NWD1: variants seen among roughly 807,000 people sequenced by gnomAD.
The protein encoded by NWD1 is NACHT domain- and WD repeat-containing protein 1.
NWD1 carries 129 observed loss-of-function variants against 135.1 expected under a neutral mutation model. The observed-to-expected ratio is 0.96, with a 90% CI of 0.83 to 1.11. NWD1 has a LOEUF of 1.11. NWD1 is among the 50% of genes least tolerant of loss of function. The probability of loss-of-function intolerance (pLI) is 0.00; values close to 1 mark genes in which losing one functional copy is unlikely to be tolerated. For synonymous variants in NWD1, 773 were observed against 786.0 expected (o/e 0.98, Z 0.28); for missense variants, 1,740 against 1,851.3 (o/e 0.94, Z 1.10).
At chr19:16,794,580 G>C in intron 15 of NWD1, 27 bp downstream of exon 15, 1 of 1,455,912 alleles carries the variant, frequency 6.9e-7, no homozygotes, top group Non-Finnish European at 9.5e-7. Context: ...ATTTGGAGTA[G>C]TGAGGAAGCT....
At chr19:16,732,216 C>CA (rs59934633) in intron 3 of NWD1, among the ~76,000 whole-genome samples, 277 of 114,702 alleles carry the variant, frequency 2.4e-3, no homozygotes, top group Middle Eastern at 0.013. Flanking sequence ...GACTCCGTCT[C>CA]AAAAAAAAAA....
At position 16,765,415 on chromosome 19, in the gene NWD1, C is replaced by T. The variant is rs144445491; in HGVS notation, c.2410+223C>T. ...GTGGTGCAATCGTAGCTCACTGTAG[C>T]CTCAGACTCCTGGGTTCAAATGCTC... On this transcript the variant is annotated intron_variant, in intron 10 of 18. Transcript: ENST00000524140. Among the ~76,000 whole-genome samples the T allele has an allele frequency of 4.2e-4, 64 of 152,228 alleles. No individual in the cohort carries two copies. The East Asian group carries it at 0.01, about 25-fold the overall frequency.
intron 10 of NWD1, among the ~76,000 whole-genome samples, chr19:16,767,966 T>C (rs958492835): frequency 2.6e-5 from 4 of 151,162 alleles, no homozygotes; most frequent in African/African-American, 7.3e-5. Context: ...TTGTAGCATA[T>C]GTCAGAATTT....
chr19:16,771,170 G>A (rs766320660), intron 10 of NWD1, among the ~76,000 whole-genome samples: 5 of 152,176 alleles, frequency 3.3e-5, no homozygotes, highest in Non-Finnish European at 5.9e-5. Flanking sequence ...ATAGATAGAT[G>A]GCTGGGCACA....
intron 12 of NWD1, among the ~76,000 whole-genome samples, chr19:16,785,779 T>C (rs1353112359): frequency 1.3e-5 from 2 of 148,258 alleles, no homozygotes; most frequent in Admixed American, 6.8e-5. Context: ...AACAAATATA[T>C]ACATAAATAT....
chr19:16,744,784 C>G (rs903853789), intron 5 of NWD1, 66 bp downstream of exon 5: 1 of 1,347,864 alleles, frequency 7.4e-7, no homozygotes, highest in Admixed American at 2.0e-5. Flanking sequence ...GAATATCCAT[C>G]CCCTGTTGGC....
intron 18 of NWD1, among the ~76,000 whole-genome samples, chr19:16,814,759 G>C (rs1410651558): frequency 6.6e-6 from 1 of 152,094 alleles, no homozygotes; most frequent in Non-Finnish European, 1.5e-5. Flanking sequence ...AATATTTACT[G>C]AGCTCACTCT....
In NWD1 at chr19:16,794,472, A is replaced by C. The variant is rs529201209; in HGVS notation, c.3223A>C (p.Lys1075Gln). ...SNGSISLVSS[K>Q]GDRLLEKLPD... ...CCCTGGTTCTGCACAGGTTTCCTCCAAAGGGGACAGATTGCTGGAGAAGCT... is the reference window on the plus strand; with the variant it reads ...CCCTGGTTCTGCACAGGTTTCCTCCCAAGGGGACAGATTGCTGGAGAAGCT... The change falls in exon 15 of 19, where the codon AAA (lysine) becomes CAA (glutamine). Residue 1075 changes from lysine to glutamine, a missense_variant. Lys to Gln is a moderately conservative substitution (Grantham distance 53). Coordinates refer to ENST00000524140, the MANE Select transcript of NWD1 (RefSeq NM_001007525.5). 33 of 1,610,500 alleles carry C rather than the reference A, an allele frequency of 2.0e-5. No homozygotes were observed. The African/African-American group carries it at 4.0e-4, about 20-fold the overall frequency.
At chr19:16,800,762 C>T (rs940759059) in intron 17 of NWD1, among the ~76,000 whole-genome samples, 11 of 152,042 alleles carry the variant, frequency 7.2e-5, no homozygotes, top group Middle Eastern at 3.2e-3. Flanking sequence ...TATTCAGGAA[C>T]GCCCCACATT....
intron 13 of NWD1, among the ~76,000 whole-genome samples, chr19:16,789,420 G>A (rs538477005): frequency 8.5e-5 from 13 of 152,058 alleles, no homozygotes; most frequent in Non-Finnish European, 1.0e-4. Context: ...CATCTTTTTT[G>A]AATATCAGCA....
At position 16,735,829 on chromosome 19, in the gene NWD1, A is replaced by AGAAGGAAG. The variant is rs1240567591; in HGVS notation, c.82-774_82-767dup. 2.5e-4 allele frequency among the ~76,000 whole-genome samples: 14 copies of AGAAGGAAG among 56,988 alleles called. No homozygotes were observed. In the East Asian group the frequency reaches 2.7e-3, roughly 11 times the overall value. The allele number at this position is 56,988 out of a possible 152,430, so 37.4% of individuals were successfully genotyped here. ...AGGAAGGAAGGAAGGAAGGAAGGAA[A>AGAAGGAAG]GAAGGAAGGAAGGAAGGAAGGAAGG... On this transcript the variant is annotated intron_variant, in intron 3 of 18. Transcript: ENST00000524140.
chr19:16,742,191 A>G (rs1366219097), intron 4 of NWD1, among the ~76,000 whole-genome samples: 1 of 152,028 alleles, frequency 6.6e-6, no homozygotes, highest in East Asian at 1.9e-4. Context: ...CCTGGCCAAC[A>G]TGGCGAAACC....
intron 18 of NWD1, chr19:16,812,642 C>T: frequency 1.4e-6 from 1 of 738,650 alleles, no homozygotes. Context: ...GCACTCCAGC[C>T]TGGGCAACAA....
intron 18 of NWD1, among the ~76,000 whole-genome samples, chr19:16,809,222 T>C (rs1970848322): frequency 1.3e-5 from 2 of 151,818 alleles, no homozygotes; most frequent in Non-Finnish European, 2.9e-5. Flanking sequence ...TAGCTGGGAT[T>C]ACAGATAAGC....
rs142734109 is a variant in NWD1, at chr19:16,814,141, C to A, written c.4288-887C>A. On this transcript the variant is annotated intron_variant, in intron 18 of 18. Transcript: ENST00000524140. ...CACCATTGCACTCCAGCCTGGGCAACAGAGTGAGACCCTGTCAAAAAAAAT... is the reference window on the plus strand; with the variant it reads ...CACCATTGCACTCCAGCCTGGGCAAAAGAGTGAGACCCTGTCAAAAAAAAT... 8.7e-3 allele frequency among the ~76,000 whole-genome samples: 1,331 copies of A among 152,198 alleles called. 21 individuals are homozygous for A. The highest frequency in any genetic ancestry group is 0.03 in the African/African-American group (1,265 of 41,530).
intron 13 of NWD1, 116 bp from the exon 14 acceptor site, chr19:16,791,234 C>A (rs1970233934): frequency 2.1e-6 from 2 of 953,270 alleles, no homozygotes; most frequent in East Asian, 2.4e-5. Flanking sequence ...GCTCTGTCTC[C>A]AAAAGAAAAG....
chr19:16,745,005 C>T, intron 5 of NWD1: 1 of 600,114 alleles, frequency 1.7e-6, no homozygotes, highest in South Asian at 1.5e-5. Flanking sequence ...GTTCTCATGC[C>T]ACTAATAAAG....
rs774735164 is a variant in NWD1, at chr19:16,749,692, G to C, written c.1050G>C (p.Leu350=). The part of the protein sequence containing the change: ...FGPPGIGKTA[L]MCKLAEQMPR... ...CCCCAGGCATTGGAAAGACAGCCCT[G>C]ATGTGCAAGCTGGCTGAGCAGATGC... The change falls in exon 6 of 19, where the codon CTG becomes CTC. Residue 350 remains leucine, a synonymous_variant. Coordinates refer to ENST00000524140, the MANE Select transcript of NWD1 (RefSeq NM_001007525.5). The C allele has an allele frequency of 3.9e-5, 63 of 1,602,224 alleles. 1 individual carries two copies. Among genetic ancestry groups the C allele is most frequent in the East Asian group, 6.7e-5 (3 of 44,728 alleles).
chr19:16,784,226 A>G (rs1969961697), intron 12 of NWD1, among the ~76,000 whole-genome samples: 1 of 151,664 alleles, frequency 6.6e-6, no homozygotes, highest in Admixed American at 6.6e-5. Flanking sequence ...AAAAAAGAAA[A>G]ATTAAGTATA....
Sources: gnomAD v4.1 joint callset for allele counts (sites outside exome capture counted in the v4.1 genomes callset) on GRCh38, gnomAD v4.1.1 for gene constraint, MANE v1.5 for transcripts, NCBI Gene and HGNC (gene_info 2026-07-23, HGNC 2026-07-21) for gene names.